The following COL5A1 variants were observed in gnomAD, a reference collection of about 807,000 sequenced individuals.
The protein encoded by COL5A1 is collagen alpha-1(V) chain.
Under a neutral mutation model 263.7 loss-of-function variants are expected in COL5A1, and 16 were observed. That is an observed-to-expected ratio of 0.06 (90% CI 0.04 to 0.09). The LOEUF (loss-of-function observed/expected upper bound fraction) is 0.09, where lower values mean the gene tolerates loss of function less well. Among genes scored for constraint, COL5A1 ranks in the 10% least tolerant of loss-of-function variants. The pLI, the probability that COL5A1 is intolerant of heterozygous loss-of-function variation, is 1.00. For missense variants in COL5A1, 2,036 were observed against 2,540.5 expected (o/e 0.80, Z 4.27); for synonymous variants, 1,012 against 1,004.5 (o/e 1.01, Z -0.14).
chr9:134,710,946 AG>A (rs1167572201), intron 4 of COL5A1, among the ~76,000 whole-genome samples: 2 of 45,770 alleles, frequency 4.4e-5, no homozygotes, highest in African/African-American at 2.0e-4. Context: ...GTGGTGGGGG[AG>A]GGGCCCCGTC....
rs996052345 is a variant in COL5A1 at position 134,782,865 on chromosome 9, A to G, written c.2484+145A>G. 25 of 812,768 alleles carry G rather than the reference A, an allele frequency of 3.1e-5. No homozygotes were observed. The African/African-American group carries it at 3.9e-4, about 13-fold the overall frequency. 50.3% of individuals were successfully genotyped at this position (812,768 alleles called of 1,614,324 possible). A position where few individuals can be genotyped will look rare whatever the true frequency, so the allele number is the denominator to read the frequency against. Reference sequence around the variant, plus strand: ...TAGAGATTCCTGGTGGGAAGGGGACAGTGGCGTGGAGCCCAGGGCCCGACT... The same window carrying G: ...TAGAGATTCCTGGTGGGAAGGGGACGGTGGCGTGGAGCCCAGGGCCCGACT... On this transcript the variant is annotated intron_variant, in intron 29 of 65. Transcript: ENST00000371817.
rs557113299 is a variant in COL5A1 at position 134,803,670 on chromosome 9, G to A, written c.3114+675G>A. ...AAAACAAAAAACACAGTGAAACCCC[G>A]TTTCTACTAAAAATACAAAAAAATT... is the stretch of plus-strand genomic sequence containing the variant. On this transcript the variant is annotated intron_variant, in intron 39 of 65. Coordinates refer to ENST00000371817, the MANE Select transcript of COL5A1 (RefSeq NM_000093.5). Among the ~76,000 whole-genome samples, 243 of 151,454 alleles carry A rather than the reference G, an allele frequency of 1.6e-3. 2 individuals carry two copies. Among genetic ancestry groups the A allele is most frequent in the African/African-American group, 5.5e-3 (227 of 41,226 alleles).
chr9:134,702,748 G>A (rs1265208381), intron 4 of COL5A1, among the ~76,000 whole-genome samples: 1 of 152,202 alleles, frequency 6.6e-6, no homozygotes, highest in Non-Finnish European at 1.5e-5. Flanking sequence ...CAGAGTGCTG[G>A]CCTCAGGGCA....
chr9:134,720,057 A>G (rs1834398915), intron 4 of COL5A1, among the ~76,000 whole-genome samples: 1 of 152,070 alleles, frequency 6.6e-6, no homozygotes, highest in African/African-American at 2.4e-5. Context: ...CCCGTCTGAG[A>G]GGGCAGCTGC....
At chr9:134,825,134 A>G (rs1056784334) in intron 62 of COL5A1, among the ~76,000 whole-genome samples, 2 of 152,100 alleles carry the variant, frequency 1.3e-5, no homozygotes, top group Non-Finnish European at 2.9e-5. Flanking sequence ...GACCTGCTTG[A>G]ACCTCGTGTT....
chr9:134,747,656 G>A (rs539093411), intron 11 of COL5A1, among the ~76,000 whole-genome samples: 1,867 of 133,766 alleles, frequency 0.014, 25 homozygotes, highest in African/African-American at 0.033. Context: ...TACACATGCA[G>A]ACACATGCAC....
chr9:134,747,714 C>CACATGCAG (rs1835581385), intron 11 of COL5A1, among the ~76,000 whole-genome samples: 4 of 143,848 alleles, frequency 2.8e-5, no homozygotes, highest in African/African-American at 1.2e-4. Flanking sequence ...TGCATTCATA[C>CACATGCAG]ACACATGCAG....
intron 32 of COL5A1, among the ~76,000 whole-genome samples, chr9:134,791,966 T>G (rs548737743): frequency 1.1e-4 from 16 of 152,044 alleles, no homozygotes; most frequent in Admixed American, 3.3e-4. Flanking sequence ...GGAAAGGTCA[T>G]AGGCACCAGG....
chr9:134,649,669 G>A, intron 1 of COL5A1: 2 of 389,692 alleles, frequency 5.1e-6, no homozygotes, highest in South Asian at 4.0e-5. Flanking sequence ...TTGACCTGGT[G>A]ATCCCATTAC....
At chr9:134,714,561 G>C (rs1165568352) in intron 4 of COL5A1, among the ~76,000 whole-genome samples, 4 of 144,798 alleles carry the variant, frequency 2.8e-5, no homozygotes, top group Non-Finnish European at 6.1e-5. Flanking sequence ...TGATGTGGTG[G>C]TGATAGTGAT....
At chr9:134,649,582 T>C in intron 1 of COL5A1, 2 of 443,798 alleles carry the variant, frequency 4.5e-6, no homozygotes, top group South Asian at 3.4e-5. Context: ...GCCTCTTTTT[T>C]TTCTGTAAAT....
chr9:134,746,666 A>G (rs1835525074), intron 11 of COL5A1, among the ~76,000 whole-genome samples: 1 of 152,278 alleles, frequency 6.6e-6, no homozygotes, highest in Admixed American at 6.5e-5. Context: ...TGGTATAGGT[A>G]TGACACTGAG....
chr9:134,809,244 C>T lies in COL5A1; in HGVS notation c.3428C>T (p.Pro1143Leu), dbSNP rs540131206. Residue 1143 changes from proline to leucine, a missense_variant, in exon 43 of 66, where the codon CCG (proline) becomes CTG (leucine). Transcript: ENST00000371817. ...RDGLQGPVGL[P>L]GPAGPVGPPG... is the part of the protein sequence containing the mutation. ...GGTCTCCAGGGGCCTGTGGGGCTCC[C>T]GGGTCCAGCTGGCCCTGTGGGTCCC... is the stretch of plus-strand genomic sequence containing the variant. 3.0e-5 allele frequency: 49 copies of T among 1,608,164 alleles called. No individual in the cohort carries two copies. Among genetic ancestry groups the T allele is most frequent in the East Asian group, 6.7e-5 (3 of 44,702 alleles).
intron 60 of COL5A1, 91 bp downstream of exon 60, chr9:134,823,124 C>T (rs761625263): frequency 3.0e-5 from 43 of 1,429,616 alleles, no homozygotes; most frequent in African/African-American, 1.5e-4. Flanking sequence ...CCCAGACAAC[C>T]GTCCTAGCTC....
intron 11 of COL5A1, among the ~76,000 whole-genome samples, chr9:134,740,852 C>T (rs1835275162): frequency 1.3e-5 from 2 of 152,222 alleles, no homozygotes; most frequent in South Asian, 2.1e-4. Context: ...AGCTGGTCCT[C>T]CTCAAACTCA....
intron 43 of COL5A1, among the ~76,000 whole-genome samples, chr9:134,810,020 C>T (rs552101763): frequency 6.6e-6 from 1 of 152,352 alleles, no homozygotes; most frequent in South Asian, 2.1e-4. Flanking sequence ...ACTTTTCCCA[C>T]ATCTTCAAGT....
intron 2 of COL5A1, among the ~76,000 whole-genome samples, chr9:134,692,243 C>T (rs1833311473): frequency 6.6e-6 from 1 of 152,208 alleles, no homozygotes; most frequent in African/African-American, 2.4e-5. Context: ...CCCATATTCT[C>T]TTAAACAGCC....
intron 18 of COL5A1, among the ~76,000 whole-genome samples, chr9:134,760,394 A>G (rs1405032288): frequency 7.9e-5 from 5 of 63,372 alleles, no homozygotes; most frequent in Admixed American, 4.8e-4. Flanking sequence ...ACACACCCCC[A>G]CACCCCCACA....
Position 134,789,585 on chromosome 9 carries a change from C to A in COL5A1, c.2700+377C>A, listed in dbSNP as rs1837598162. On this transcript the variant is annotated intron_variant, in intron 32 of 65. Transcript: ENST00000371817. The surrounding 1 kb of genome is among the most constrained non-coding windows in gnomAD (Gnocchi z 4.8). ...GAAGGGAAAAAGGAGATTGTTTTTT[C>A]CCTTCAAAAATGTCCTGCTACTTAA... 6.6e-6 allele frequency among the ~76,000 whole-genome samples: 1 copy of A among 152,192 alleles called. No homozygotes were observed. The highest frequency in any genetic ancestry group is 1.5e-5 in the Non-Finnish European group (1 of 68,022).
Sources: allele counts gnomAD v4.1 joint callset (sites outside exome capture counted in the v4.1 genomes callset), GRCh38; gene constraint gnomAD v4.1.1; non-coding constraint Gnocchi (gnomAD v3.1); transcripts MANE v1.5; gene names NCBI Gene and HGNC (gene_info 2026-07-23, HGNC 2026-07-21).